The following BCAS3 variants were observed in gnomAD, a reference collection of about 807,000 sequenced individuals.
BCAS3 encodes the protein BCAS4/BCAS3 fusion.
A neutral mutation model predicts 116.1 loss-of-function variants in BCAS3; 53 were observed. The ratio of observed to expected loss-of-function variants is 0.46; its 90% CI spans 0.37 to 0.57. BCAS3 has a LOEUF of 0.57. BCAS3 is among the 20% of genes least tolerant of loss of function. The pLI is 0.00. For missense variants in BCAS3, 917 were observed against 1,165.4 expected (o/e 0.79, Z 3.10); for synonymous variants, 391 against 408.2 (o/e 0.96, Z 0.51).
intron 6 of BCAS3, among the ~76,000 whole-genome samples, chr17:60,776,401 C>T (rs1388838359): frequency 6.6e-6 from 1 of 152,106 alleles, no homozygotes. Flanking sequence ...TAACTAATGT[C>T]CTTCTTTAAC....
At chr17:60,895,088 G>A (rs1293053231) in intron 10 of BCAS3, among the ~76,000 whole-genome samples, 1 of 152,056 alleles carries the variant, frequency 6.6e-6, no homozygotes, top group Non-Finnish European at 1.5e-5. Flanking sequence ...GAATGAGTTA[G>A]GGAGAGTTTC....
rs1196508046 is a variant in BCAS3 at position 60,956,677 on chromosome 17, A to T, written c.1221+9325A>T. Among the ~76,000 whole-genome samples the T allele has an allele frequency of 1.3e-5, 2 of 152,288 alleles. No homozygotes were observed. Among genetic ancestry groups the T allele is most frequent in the Admixed American group, 6.5e-5 (1 of 15,292 alleles). ...GCTAATGCCAGTGATGTTCCTACTT[A>T]ACAGGTAGGAAAGTCAAATAGAAAT... is the stretch of plus-strand genomic sequence containing the variant. On this transcript the variant is annotated intron_variant, in intron 14 of 23. Transcript: ENST00000407086. This position sits in a 1 kb window ranked among gnomAD's most constrained non-coding sequence, Gnocchi z 4.2.
At chr17:61,383,579 G>GGGGAGA (rs1451627926) in intron 23 of BCAS3, 1 of 152,422 alleles carries the variant, frequency 6.6e-6, no homozygotes, top group Non-Finnish European at 1.5e-5. Context: ...CACGGGGGTG[G>GGGGAGA]GGGAGATCCG....
At chr17:61,267,151 G>A (rs1463250910) in intron 22 of BCAS3, among the ~76,000 whole-genome samples, 3 of 151,960 alleles carry the variant, frequency 2.0e-5, no homozygotes, top group Non-Finnish European at 4.4e-5. Context: ...TCCGCCTCCC[G>A]GGTTCACGCC....
chr17:60,731,198 C>A lies in BCAS3; in HGVS notation c.322-16000C>A, dbSNP rs537203921. ...TAATTAGCAAATTGATAACTATACACGTGTTTTTTTGCTTGTTTGTTTGTT... is the reference window on the plus strand; with the variant it reads ...TAATTAGCAAATTGATAACTATACAAGTGTTTTTTTGCTTGTTTGTTTGTT... On this transcript the variant is annotated intron_variant, in intron 5 of 23. Coordinates refer to ENST00000407086, the MANE Select transcript of BCAS3 (RefSeq NM_017679.5). 3.3e-5 allele frequency among the ~76,000 whole-genome samples: 5 copies of A among 152,060 alleles called. No homozygotes were observed. The South Asian group carries it at 1.0e-3, about 31-fold the overall frequency.
intron 6 of BCAS3, among the ~76,000 whole-genome samples, chr17:60,798,873 C>T (rs2047448506): frequency 6.6e-6 from 1 of 152,220 alleles, no homozygotes; most frequent in Admixed American, 6.5e-5. Context: ...TTTGGTCGTT[C>T]TGGTAGCTGT....
intron 22 of BCAS3, among the ~76,000 whole-genome samples, chr17:61,167,036 C>T (rs1288264490): frequency 6.6e-6 from 1 of 152,172 alleles, no homozygotes; most frequent in East Asian, 1.9e-4. Context: ...CAGGAGCTAC[C>T]ACGCCCAGCC....
At chr17:61,009,849 A>C (rs2064986175) in intron 15 of BCAS3, among the ~76,000 whole-genome samples, 2 of 152,038 alleles carry the variant, frequency 1.3e-5, no homozygotes, top group South Asian at 4.1e-4. Flanking sequence ...CAGCTTCTGC[A>C]CAGAGGGTAA....
intron 22 of BCAS3, among the ~76,000 whole-genome samples, chr17:61,295,790 A>G (rs1182779947): frequency 7.2e-6 from 1 of 138,036 alleles, no homozygotes; most frequent in East Asian, 2.0e-4. Flanking sequence ...CGTCTCTACT[A>G]AAAAAAAAAA....
intron 6 of BCAS3, among the ~76,000 whole-genome samples, chr17:60,754,488 C>T (rs904025654): frequency 2.0e-5 from 3 of 152,098 alleles, no homozygotes; most frequent in Non-Finnish European, 2.9e-5. Flanking sequence ...CCTCCTGCCT[C>T]GGCTTCCCAA....
At chr17:60,948,906 T>G (rs771143244) in intron 14 of BCAS3, among the ~76,000 whole-genome samples, 4 of 152,064 alleles carry the variant, frequency 2.6e-5, no homozygotes, top group Non-Finnish European at 2.9e-5. Context: ...AGATGAAGTC[T>G]TGCTCTGTTG....
chr17:61,344,182 A>G lies in BCAS3; in HGVS notation c.2426-24145A>G, dbSNP rs1320435263. Among the ~76,000 whole-genome samples, 4 of 152,142 alleles carry G rather than the reference A, an allele frequency of 2.6e-5. No homozygotes were observed. The highest frequency in any genetic ancestry group is 5.9e-5 in the Non-Finnish European group (4 of 68,040). On this transcript the variant is annotated intron_variant, in intron 22 of 23. Coordinates refer to ENST00000407086, the MANE Select transcript of BCAS3 (RefSeq NM_017679.5). The surrounding 1 kb of genome is among the most constrained non-coding windows in gnomAD (Gnocchi z 4.1). ...TCACTGATACCCATAAGGAGGCGGAATATGCAAACCCTCTTTGCTTAGGAG... is the reference window on the plus strand; with the variant it reads ...TCACTGATACCCATAAGGAGGCGGAGTATGCAAACCCTCTTTGCTTAGGAG...
chr17:60,726,784 C>T (rs2144131564), intron 5 of BCAS3, among the ~76,000 whole-genome samples: 1 of 152,122 alleles, frequency 6.6e-6, no homozygotes, highest in East Asian at 1.9e-4. Context: ...GCTGGAATTA[C>T]AGGCGTGAGC....
At chr17:61,179,874 C>CTCTT (rs1555765903) in intron 22 of BCAS3, among the ~76,000 whole-genome samples, 1 of 124,526 alleles carries the variant, frequency 8.0e-6, no homozygotes, top group African/African-American at 3.0e-5. Context: ...CTCTCTCTCT[C>CTCTT]TTTTTTTTTT....
chr17:61,183,661 C>G (rs754448441), intron 22 of BCAS3, among the ~76,000 whole-genome samples: 1 of 152,030 alleles, frequency 6.6e-6, no homozygotes, highest in Non-Finnish European at 1.5e-5. Context: ...TATGGTATGT[C>G]CAGAAAAAGA....
intron 6 of BCAS3, among the ~76,000 whole-genome samples, chr17:60,773,904 C>T (rs1252901318): frequency 6.6e-6 from 1 of 152,186 alleles, no homozygotes; most frequent in Non-Finnish European, 1.5e-5. Flanking sequence ...GCCTTGGTCT[C>T]CCAAAATGTT....
chr17:60,992,223 C>G (rs2063572203), intron 15 of BCAS3, among the ~76,000 whole-genome samples: 1 of 151,324 alleles, frequency 6.6e-6, no homozygotes, highest in Non-Finnish European at 1.5e-5. Flanking sequence ...CACACACACA[C>G]ACACACACTC....
intron 13 of BCAS3, among the ~76,000 whole-genome samples, chr17:60,932,673 C>A (rs761897201): frequency 7.7e-6 from 1 of 129,312 alleles, no homozygotes; most frequent in African/African-American, 3.0e-5. Context: ...ACTTGGGAGG[C>A]GGAGCTTGCA....
intron 22 of BCAS3, among the ~76,000 whole-genome samples, chr17:61,236,971 G>A (rs184201556): frequency 5.2e-4 from 79 of 152,260 alleles, no homozygotes; most frequent in South Asian, 1.2e-3. Flanking sequence ...TCTGCATAGC[G>A]GACTTAGGAT....
Sources: gnomAD v4.1 joint callset for allele counts (sites outside exome capture counted in the v4.1 genomes callset) on GRCh38, gnomAD v4.1.1 for gene constraint, Gnocchi (gnomAD v3.1) non-coding constraint, MANE v1.5 for transcripts, NCBI Gene and HGNC (gene_info 2026-07-23, HGNC 2026-07-21) for gene names.